Variants in ZNF420 observed in about 807,000 individuals in gnomAD.
ZNF420 encodes zinc finger protein 420, also known as ATM and p53-associated KZNF protein.
ZNF420 carries 31 observed loss-of-function variants against 44.7 expected under a neutral mutation model. The observed-to-expected ratio is 0.69, with a 90% CI of 0.52 to 0.94. The LOEUF (loss-of-function observed/expected upper bound fraction) is 0.94. Ranked by LOEUF, ZNF420 falls within the 40% of genes least tolerant of loss-of-function variation. The pLI, the probability that ZNF420 is intolerant of heterozygous loss-of-function variation, is 0.00. For missense variants in ZNF420, 681 were observed against 827.9 expected (o/e 0.82, Z 2.18); for synonymous variants, 245 against 267.4 (o/e 0.92, Z 0.82).
At position 37,091,079 on chromosome 19, in the gene ZNF420, A is replaced by G. The variant is rs1969116472; in HGVS notation, c.94A>G (p.Arg32Gly). The change falls in exon 4 of 5, where the codon AGA becomes GGA. Residue 32 changes from arginine (R) to glycine (G), a missense_variant. Physicochemically the swap from Arg to Gly is moderately radical, Grantham distance 125. Around this residue, in one of 3 missense-constraint regions of ZNF420, gnomAD observed 350 missense variants for 382.5 expected, o/e 0.92. Transcript: ENST00000337995. ...CLDSAQRDLY[R>G]DVMLENYSNL... ...GGACTCTGCTCAGAGAGATTTGTAT[A>G]GAGATGTGATGTTGGAGAACTATAG... 3 of 1,607,164 alleles carry G rather than the reference A, an allele frequency of 1.9e-6. No individual in the cohort carries two copies. The highest frequency in any genetic ancestry group is 1.7e-6 in the Non-Finnish European group (2 of 1,177,508).
intron 2 of ZNF420, among the ~76,000 whole-genome samples, chr19:37,087,593 T>G (rs912386705): frequency 1.3e-5 from 2 of 152,148 alleles, no homozygotes; most frequent in African/African-American, 4.8e-5. Context: ...TGGAAATATA[T>G]CTAGGTACTG....
rs1157166071 is a variant in ZNF420 at position 37,127,201 on chromosome 19, G to A, written c.210G>A (p.Trp70Ter). The A allele has an allele frequency of 2.5e-6, 4 of 1,600,052 alleles. No individual in the cohort carries two copies. The highest frequency in any genetic ancestry group is 2.3e-5 in the South Asian group (2 of 88,792). ...CTTATGAAACAGAATTATCCCAATG[G>A]GAAATGAGTGACAGACTTGAAAACT... ...KNTYETELSQWEMSDRLENCD... is the reference protein window; with the variant it reads ...KNTYETELSQ The change falls in exon 5 of 5, where the codon TGG (tryptophan) becomes TGA (stop). Residue 70 changes from tryptophan to a stop codon, truncating the protein, a stop_gained. Transcript: ENST00000337995. LOFTEE classifies it low-confidence loss of function (END_TRUNC).
intron 4 of ZNF420, among the ~76,000 whole-genome samples, chr19:37,095,193 TGC>T (rs1050445462): frequency 1.3e-5 from 2 of 152,176 alleles, no homozygotes; most frequent in Admixed American, 1.3e-4. Flanking sequence ...AGAACATTTC[TGC>T]CATTGCCGGT....
chr19:37,056,287 G>C (rs1226891079), intron 1 of ZNF420, among the ~76,000 whole-genome samples: 2 of 152,256 alleles, frequency 1.3e-5, no homozygotes, highest in Non-Finnish European at 1.5e-5. Context: ...GTTCTCTCCT[G>C]GTTCCCAGGT....
At chr19:37,082,157 T>C (rs949582850) in intron 2 of ZNF420, among the ~76,000 whole-genome samples, 21 of 152,158 alleles carry the variant, frequency 1.4e-4, no homozygotes, top group African/African-American at 5.1e-4. Context: ...ATCTCCATTT[T>C]TTGTTGTTGT....
At chr19:37,097,104 G>T (rs1599671443) in intron 4 of ZNF420, among the ~76,000 whole-genome samples, 2 of 151,880 alleles carry the variant, frequency 1.3e-5, no homozygotes, top group South Asian at 2.1e-4. Context: ...TCACTATGTT[G>T]GCCAGGCTGG....
At chr19:37,016,918 C>T (rs1012742633) in intron 1 of ZNF420, among the ~76,000 whole-genome samples, 3 of 152,164 alleles carry the variant, frequency 2.0e-5, no homozygotes, top group African/African-American at 7.2e-5. Flanking sequence ...CAAAACAACC[C>T]TCTTAGGTCT....
chr19:37,095,691 C>T (rs1969404330), intron 4 of ZNF420, among the ~76,000 whole-genome samples: 1 of 152,062 alleles, frequency 6.6e-6, no homozygotes. Flanking sequence ...CTCCGCTTCC[C>T]AGGTTCAAGC....
chr19:37,075,462 G>T (rs1251027983), upstream of ZNF420, among the ~76,000 whole-genome samples: 2 of 151,994 alleles, frequency 1.3e-5, no homozygotes, highest in Non-Finnish European at 2.9e-5. Flanking sequence ...AGAGAGAGAG[G>T]CCGGGCGCGG....
At chr19:37,088,677 A>G (rs1204328808) in intron 2 of ZNF420, among the ~76,000 whole-genome samples, 2 of 152,206 alleles carry the variant, frequency 1.3e-5, no homozygotes, top group African/African-American at 4.8e-5. Flanking sequence ...AAATTTCTTC[A>G]TTATAAGTAA....
chr19:37,106,595 C>T (rs1970098043), intron 4 of ZNF420: 1 of 152,188 alleles, frequency 6.6e-6, no homozygotes, highest in Non-Finnish European at 1.5e-5. Flanking sequence ...GTAATCCCAC[C>T]ACTTTGGGAG....
intron 2 of ZNF420, 33 bp from the exon 3 acceptor site, chr19:37,089,006 C>A (rs1968983615): frequency 1.1e-6 from 1 of 917,206 alleles, no homozygotes. Flanking sequence ...TTGCAAAACA[C>A]CTGGTCTCAT....
At chr19:37,029,339 C>A (rs1967209625) in intron 1 of ZNF420, among the ~76,000 whole-genome samples, 1 of 152,112 alleles carries the variant, frequency 6.6e-6, no homozygotes, top group Non-Finnish European at 1.5e-5. Flanking sequence ...ATGCAAAGTC[C>A]TAATCAAAGC....
chr19:37,019,339 T>G (rs2074629690), intron 1 of ZNF420, among the ~76,000 whole-genome samples: 1 of 152,184 alleles, frequency 6.6e-6, no homozygotes, highest in Non-Finnish European at 1.5e-5. Context: ...CTACTTTATC[T>G]CCATTAGAAA....
chr19:37,090,864 G>C, intron 3 of ZNF420, 131 bp from the exon 4 acceptor site: 1 of 855,570 alleles, frequency 1.2e-6, no homozygotes, highest in African/African-American at 1.8e-5. Flanking sequence ...AGGTTGCAGC[G>C]TGCCGAGATC....
chr19:37,035,552 T>A (rs1299597300), intron 1 of ZNF420, among the ~76,000 whole-genome samples: 4 of 152,130 alleles, frequency 2.6e-5, no homozygotes, highest in African/African-American at 9.7e-5. Context: ...ATAGGTGTTT[T>A]CATAACAAGA....
intron 1 of ZNF420, among the ~76,000 whole-genome samples, chr19:37,064,110 C>T (rs998902429): frequency 6.6e-5 from 10 of 152,162 alleles, no homozygotes; most frequent in Non-Finnish European, 1.3e-4. Context: ...CACATGATGA[C>T]ATTCTATCCT....
chr19:37,112,548 T>C (rs921248461), intron 4 of ZNF420, among the ~76,000 whole-genome samples: 3 of 152,188 alleles, frequency 2.0e-5, no homozygotes, highest in Non-Finnish European at 4.4e-5. Flanking sequence ...TCTGCTGCAG[T>C]GTCTACCAAC....
chr19:37,120,136 T>G (rs1240563045), intron 4 of ZNF420, among the ~76,000 whole-genome samples: 1 of 152,196 alleles, frequency 6.6e-6, no homozygotes, highest in Non-Finnish European at 1.5e-5. Flanking sequence ...GCCAGCATCA[T>G]CCTGATACCA....
Sources: gnomAD v4.1 joint callset for allele counts (sites outside exome capture counted in the v4.1 genomes callset) on GRCh38, gnomAD v4.1.1 for gene constraint, gnomAD v4.1.1 regional missense constraint, MANE v1.5 for transcripts, NCBI Gene and HGNC (gene_info 2026-07-23, HGNC 2026-07-21) for gene names.